Variants in CACNG2 observed in about 807,000 individuals in gnomAD.
CACNG2 encodes calcium voltage-gated channel auxiliary subunit gamma 2, also known as voltage-dependent calcium channel gamma-2 subunit.
In CACNG2, 3 loss-of-function variants were observed where a neutral mutation model predicts 25.9. That is an observed-to-expected ratio of 0.12 (90% CI 0.05 to 0.30). CACNG2 has a LOEUF of 0.30. Ranked by LOEUF, CACNG2 falls within the 10% of genes least tolerant of loss-of-function variation. CACNG2 has a pLI of 1.00. For missense variants in CACNG2, 341 were observed against 432.5 expected, an observed-to-expected ratio of 0.79 and a Z score of 1.88; for synonymous variants, 167 against 173.3, an observed-to-expected ratio of 0.96 and a Z score of 0.29.
At chr22:36,624,694 C>G (rs1569033126) in intron 1 of CACNG2, among the ~76,000 whole-genome samples, 1 of 152,078 alleles carries the variant, frequency 6.6e-6, no homozygotes, top group African/African-American at 2.4e-5. Flanking sequence ...ACCCCAGGGC[C>G]TGGATTCTGT....
chr22:36,687,348 T>C (rs1285832232), intron 1 of CACNG2, among the ~76,000 whole-genome samples: 2 of 152,266 alleles, frequency 1.3e-5, no homozygotes, highest in Non-Finnish European at 1.5e-5. Flanking sequence ...TAATCTTTCT[T>C]GATATAATCT....
Position 36,564,392 on chromosome 22 carries a change from G to C in CACNG2, c.931C>G (p.Leu311Val). 6.2e-7 allele frequency: 1 copy of C among 1,614,082 alleles called. No individual in the cohort carries two copies. The highest frequency in any genetic ancestry group is 8.5e-7 in the Non-Finnish European group (1 of 1,179,968). The change falls in exon 4 of 4, where the codon CTC becomes GTC. Residue 311 changes from leucine to valine, a missense_variant. Leu to Val is a conservative substitution (Grantham distance 32, BLOSUM62 1). Around this residue, in one of 2 missense-constraint regions of CACNG2, gnomAD observed 172 missense variants for 178.1 expected, o/e 0.97. Coordinates refer to ENST00000300105, the MANE Select transcript of CACNG2 (RefSeq NM_006078.5). This position sits in a 1 kb window ranked among gnomAD's most constrained non-coding sequence, Gnocchi z 6.7. ...NCIQKENKDS[L>V]HSNTANRRTT... The stretch of plus-strand genomic sequence containing the variant: ...CGGCGGTTGGCTGTGTTGGAGTGGA[G>C]AGAGTCCTTGTTCTCCTTCTGGATA...
At chr22:36,618,019 T>C (rs1308932708) in intron 1 of CACNG2, among the ~76,000 whole-genome samples, 1 of 152,146 alleles carries the variant, frequency 6.6e-6, no homozygotes, top group African/African-American at 2.4e-5. Context: ...TGTCTGATTC[T>C]AAGTGCCATC....
At chr22:36,639,203 C>T (rs1180802090) in intron 1 of CACNG2, among the ~76,000 whole-genome samples, 1 of 152,154 alleles carries the variant, frequency 6.6e-6, no homozygotes, top group African/African-American at 2.4e-5. Flanking sequence ...GCCAACAACA[C>T]CCATCTTGTG....
At chr22:36,590,629 C>T (rs2283983) in intron 1 of CACNG2, among the ~76,000 whole-genome samples, 95,070 of 151,956 alleles carry the variant, frequency 0.63, 30,250 homozygotes, top group African/African-American at 0.72. Context: ...ATGGCTGCCG[C>T]GGCCTCCCCA....
rs542077553 is a variant in CACNG2 at position 36,606,456 on chromosome 22, G to T, written c.212-18908C>A. The stretch of plus-strand genomic sequence containing the variant: ...TTGCTCGTGTAAGTGAAAGAGCTGG[G>T]CTCTGACCCCGGGCAGGAGGTTCTA... On this transcript the variant is annotated intron_variant, in intron 1 of 3. Coordinates refer to ENST00000300105, the MANE Select transcript of CACNG2 (RefSeq NM_006078.5). The surrounding 1 kb of genome is among the most constrained non-coding windows in gnomAD (Gnocchi z 5.7). Among the ~76,000 whole-genome samples, 16 of 152,308 alleles carry T rather than the reference G, an allele frequency of 1.1e-4. No homozygotes were observed. The highest frequency in any genetic ancestry group is 1.9e-4 in the East Asian group (1 of 5,184).
intron 1 of CACNG2, among the ~76,000 whole-genome samples, chr22:36,589,305 A>G (rs986901434): frequency 3.3e-5 from 5 of 152,062 alleles, no homozygotes; most frequent in African/African-American, 4.8e-5. Flanking sequence ...ATATATATAT[A>G]TATGTGTGTG....
Position 36,626,817 on chromosome 22 carries a change from G to A in CACNG2, c.212-39269C>T, listed in dbSNP as rs114180510. ...GATCTTGGCCTCAGTCTTGGCCAGAGGAAAAACTGACAGCTTTAGAGTAAA... is the reference window on the plus strand; with the variant it reads ...GATCTTGGCCTCAGTCTTGGCCAGAAGAAAAACTGACAGCTTTAGAGTAAA... On this transcript the variant is annotated intron_variant, in intron 1 of 3. Coordinates refer to ENST00000300105, the MANE Select transcript of CACNG2 (RefSeq NM_006078.5). 5.9e-3 allele frequency among the ~76,000 whole-genome samples: 902 copies of A among 152,348 alleles called. 13 individuals are homozygous for A. The highest frequency in any genetic ancestry group is 0.021 in the African/African-American group (857 of 41,592).
At chr22:36,658,755 A>G (rs1936744085) in intron 1 of CACNG2, among the ~76,000 whole-genome samples, 1 of 152,144 alleles carries the variant, frequency 6.6e-6, no homozygotes, top group South Asian at 2.1e-4. Context: ...AACAAACCAT[A>G]ATGTAATCAC....
chr22:36,642,329 G>T (rs1007332632), intron 1 of CACNG2, among the ~76,000 whole-genome samples: 1 of 152,284 alleles, frequency 6.6e-6, no homozygotes, highest in East Asian at 1.9e-4. Context: ...TGCTCTGGTT[G>T]GGGATTTGAC....
chr22:36,666,174 G>A (rs1936872174), intron 1 of CACNG2, among the ~76,000 whole-genome samples: 1 of 152,204 alleles, frequency 6.6e-6, no homozygotes, highest in African/African-American at 2.4e-5. Flanking sequence ...GGAGGCTGAT[G>A]TGGGAGGCTC....
At chr22:36,577,667 A>G (rs958207725) in intron 2 of CACNG2, among the ~76,000 whole-genome samples, 11 of 151,788 alleles carry the variant, frequency 7.2e-5, no homozygotes, top group South Asian at 2.1e-4. Flanking sequence ...AAAAAAAAAA[A>G]AAAGAAATGA....
At chr22:36,620,590 AT>A (rs1210846044) in intron 1 of CACNG2, among the ~76,000 whole-genome samples, 4 of 152,348 alleles carry the variant, frequency 2.6e-5, no homozygotes, top group African/African-American at 9.6e-5. Context: ...TTCCAGCAAT[AT>A]TATTGACTGT....
chr22:36,618,357 C>T (rs1408513320), intron 1 of CACNG2, among the ~76,000 whole-genome samples: 1 of 151,032 alleles, frequency 6.6e-6, no homozygotes, highest in African/African-American at 2.4e-5. Flanking sequence ...CAGTCTGCTG[C>T]CAGGTCTCCT....
At chr22:36,622,587 G>C (rs1429865824) in intron 1 of CACNG2, among the ~76,000 whole-genome samples, 4 of 152,196 alleles carry the variant, frequency 2.6e-5, no homozygotes. Context: ...TTCGGCTCTG[G>C]ACCTCTGTGG....
At chr22:36,607,257 T>C (rs891731430) in intron 1 of CACNG2, among the ~76,000 whole-genome samples, 2 of 152,114 alleles carry the variant, frequency 1.3e-5, no homozygotes, top group Admixed American at 6.5e-5. Context: ...TTGGCCCTTT[T>C]CTTTTTTTGA....
At chr22:36,595,017 ATATG>A (rs1935656806) in intron 1 of CACNG2, among the ~76,000 whole-genome samples, 1 of 140,260 alleles carries the variant, frequency 7.1e-6, no homozygotes, top group African/African-American at 2.7e-5. Flanking sequence ...TGAAGTCTGC[ATATG>A]TGTGTGTGTG....
At chr22:36,593,995 G>T (rs753139023) in intron 1 of CACNG2, among the ~76,000 whole-genome samples, 4 of 152,172 alleles carry the variant, frequency 2.6e-5, no homozygotes, top group Non-Finnish European at 4.4e-5. Flanking sequence ...GAGTGGTGAT[G>T]AAATGAATGA....
intron 1 of CACNG2, among the ~76,000 whole-genome samples, chr22:36,651,099 G>A (rs528561987): frequency 1.3e-5 from 2 of 152,140 alleles, no homozygotes; most frequent in Non-Finnish European, 2.9e-5. Context: ...TACGTAGCAT[G>A]TGAGGCTGAA....
Sources: allele counts gnomAD v4.1 joint callset (sites outside exome capture counted in the v4.1 genomes callset), GRCh38; gene constraint gnomAD v4.1.1; regional missense constraint gnomAD v4.1.1; non-coding constraint Gnocchi (gnomAD v3.1); transcripts MANE v1.5; gene names NCBI Gene and HGNC (gene_info 2026-07-23, HGNC 2026-07-21).